TTC7A: variants seen among roughly 807,000 people sequenced by gnomAD.
TTC7A encodes tetratricopeptide repeat domain 7A.
TTC7A carries 110 observed loss-of-function variants against 103.7 expected under a neutral mutation model. The observed-to-expected ratio is 1.06, with a 90% CI of 0.91 to 1.24. The LOEUF is 1.24. Among genes scored for constraint, TTC7A ranks in the 50% most tolerant of loss-of-function variants. The pLI, the probability that TTC7A is intolerant of heterozygous loss-of-function variation, is 0.00. For missense variants in TTC7A, 1,340 were observed against 1,116.3 expected (o/e 1.20, Z -2.86); for synonymous variants, 521 against 467.9 (o/e 1.11, Z -1.47).
At chr2:46,943,488 C>T (rs181307031) in intron 1 of TTC7A, among the ~76,000 whole-genome samples, 21 of 151,210 alleles carry the variant, frequency 1.4e-4, no homozygotes, top group African/African-American at 4.2e-4. Flanking sequence ...TGATTTTTCT[C>T]CCAGTTAAAT....
At chr2:46,983,861 C>G (rs894488478) in intron 5 of TTC7A, among the ~76,000 whole-genome samples, 1 of 152,176 alleles carries the variant, frequency 6.6e-6, no homozygotes, top group African/African-American at 2.4e-5. Context: ...CCCTCCCTCC[C>G]AAGGACCTGT....
intron 3 of TTC7A, among the ~76,000 whole-genome samples, chr2:46,963,273 T>A (rs929782951): frequency 1.3e-5 from 2 of 152,270 alleles, no homozygotes; most frequent in Admixed American, 1.3e-4. Context: ...CATTGTTTTA[T>A]ACAGACAAAG....
intron 5 of TTC7A, among the ~76,000 whole-genome samples, chr2:46,988,293 G>A (rs1675253154): frequency 6.6e-6 from 1 of 152,178 alleles, no homozygotes; most frequent in Admixed American, 6.5e-5. Flanking sequence ...TGAGGCTGGG[G>A]GTGAAGAGGA....
intron 15 of TTC7A, among the ~76,000 whole-genome samples, chr2:47,044,687 G>A (rs1413149469): frequency 6.6e-6 from 1 of 152,232 alleles, no homozygotes; most frequent in Non-Finnish European, 1.5e-5. Context: ...TATCTGGGGG[G>A]CAACCCGTGT....
intron 11 of TTC7A, among the ~76,000 whole-genome samples, chr2:47,021,487 G>A (rs974050789): frequency 2.6e-5 from 4 of 152,238 alleles, no homozygotes; most frequent in Admixed American, 6.5e-5. Flanking sequence ...GGGCCAGAGT[G>A]GCTGCCTGCC....
At chr2:47,043,322 G>T (rs1266862170) in intron 15 of TTC7A, among the ~76,000 whole-genome samples, 1 of 152,198 alleles carries the variant, frequency 6.6e-6, no homozygotes, top group African/African-American at 2.4e-5. Context: ...TGTCTTAGAG[G>T]GGGTTGTGCA....
At position 47,009,344 on chromosome 2, in the gene TTC7A, C is replaced by G. The variant is rs145040908; in HGVS notation, c.1288-1987C>G. Among the ~76,000 whole-genome samples, 35 of 152,230 alleles carry G rather than the reference C, an allele frequency of 2.3e-4. No individual in the cohort carries two copies. The East Asian group carries it at 6.8e-3, about 29-fold the overall frequency. ...ATGGGGGTGGTGGCCTTTTTTGTCT[C>G]TCCCACCCTTTCTGTGGGGTCCTTT... is the stretch of plus-strand genomic sequence containing the variant. On this transcript the variant is annotated intron_variant, in intron 10 of 19. Transcript: ENST00000319190.
At chr2:47,068,289 G>A (rs1363777068) in intron 19 of TTC7A, 1 of 152,192 alleles carries the variant, frequency 6.6e-6, no homozygotes, top group Non-Finnish European at 1.5e-5. Flanking sequence ...CAGGGTACCG[G>A]GTTCCTGGGG....
chr2:47,015,613 G>A (rs4953440), intron 11 of TTC7A, among the ~76,000 whole-genome samples: 85,011 of 151,606 alleles, frequency 0.56, 24,159 homozygotes, highest in East Asian at 0.76. Flanking sequence ...CCGCCATTAT[G>A]GGGTAGCTGT....
At chr2:46,998,603 G>T (rs1404601957) in intron 8 of TTC7A, among the ~76,000 whole-genome samples, 1 of 152,194 alleles carries the variant, frequency 6.6e-6, no homozygotes, top group African/African-American at 2.4e-5. Flanking sequence ...GGTGACCTTG[G>T]CTGCTACTTA....
chr2:46,979,049 AC>A, intron 5 of TTC7A, 142 bp downstream of exon 5: 1 of 604,568 alleles, frequency 1.7e-6, no homozygotes, highest in Non-Finnish European at 2.9e-6. Flanking sequence ...GGCTTGTGTC[AC>A]ATCTTGTCAG....
chr2:47,047,638 C>A (rs1483731742), intron 16 of TTC7A, among the ~76,000 whole-genome samples: 1 of 152,250 alleles, frequency 6.6e-6, no homozygotes, highest in Non-Finnish European at 1.5e-5. Context: ...GAGCTGGCCG[C>A]TCTGTTCCTG....
chr2:47,067,204 C>T lies in TTC7A; in HGVS notation c.2355+6233C>T, dbSNP rs1684248999. ...TGGGGGACACATTCAATCCATAGCACTGGCTCAGTTTTTTCTGCTATCAAA... is the reference window on the plus strand; with the variant it reads ...TGGGGGACACATTCAATCCATAGCATTGGCTCAGTTTTTTCTGCTATCAAA... On this transcript the variant is annotated intron_variant, in intron 19 of 19. Transcript: ENST00000319190. Among the ~76,000 whole-genome samples the T allele has an allele frequency of 2.6e-5, 4 of 152,366 alleles. No individual in the cohort carries two copies. The South Asian group carries it at 8.3e-4, about 32-fold the overall frequency.
intron 10 of TTC7A, 59 bp downstream of exon 10, chr2:47,006,783 G>A (rs1677457164): frequency 3.7e-6 from 5 of 1,365,398 alleles, no homozygotes; most frequent in Non-Finnish European, 5.2e-6. Flanking sequence ...CTGCTGAGAT[G>A]GACAGAGGGG....
chr2:47,021,739 T>G, intron 11 of TTC7A, 123 bp from the exon 12 acceptor site: 14 of 766,358 alleles, frequency 1.8e-5, no homozygotes, highest in Non-Finnish European at 2.9e-5. Flanking sequence ...CTTCTCCCTG[T>G]GAGAGTAAGG....
chr2:46,972,306 T>G (rs561326160), intron 3 of TTC7A, among the ~76,000 whole-genome samples: 1 of 152,258 alleles, frequency 6.6e-6, no homozygotes, highest in Non-Finnish European at 1.5e-5. Context: ...AGATTGTTTT[T>G]ATTTTTTTGA....
At chr2:46,995,890 T>C (rs1185116053) in intron 8 of TTC7A, among the ~76,000 whole-genome samples, 2 of 152,204 alleles carry the variant, frequency 1.3e-5, no homozygotes, top group Non-Finnish European at 2.9e-5. Context: ...AACTACAATA[T>C]GCAGGATGTC....
intron 4 of TTC7A, among the ~76,000 whole-genome samples, chr2:46,976,196 T>C (rs1462605118): frequency 6.6e-6 from 1 of 152,260 alleles, no homozygotes; most frequent in Admixed American, 6.5e-5. Flanking sequence ...CATTCTATAA[T>C]TTAACCCTCA....
intron 2 of TTC7A, among the ~76,000 whole-genome samples, chr2:46,925,272 G>C (rs186226125): frequency 6.6e-6 from 1 of 152,134 alleles, no homozygotes; most frequent in Non-Finnish European, 1.5e-5. Context: ...TTAACAATAT[G>C]TTGAGCTGGG....
Sources: allele counts gnomAD v4.1 joint callset (sites outside exome capture counted in the v4.1 genomes callset), GRCh38; gene constraint gnomAD v4.1.1; transcripts MANE v1.5; gene names NCBI Gene and HGNC (gene_info 2026-07-23, HGNC 2026-07-21).